Variants in TAFA1 observed in about 807,000 individuals in gnomAD.
The protein encoded by TAFA1 is TAFA chemokine like family member 1, also known as chemokine-like protein TAFA-1.
TAFA1 carries 4 observed loss-of-function variants against 18.5 expected under a neutral mutation model. The ratio of observed to expected loss-of-function variants is 0.22; its 90% confidence interval spans 0.11 to 0.49. The LOEUF is 0.49. TAFA1 is among the 20% of genes least tolerant of loss of function. The pLI, the probability that TAFA1 is intolerant of heterozygous loss-of-function variation, is 0.98. For synonymous variants in TAFA1, 56 were observed against 55.2 expected (o/e 1.01, Z -0.06); for missense variants, 147 against 169.0 (o/e 0.87, Z 0.72).
chr3:68,437,600 T>C (rs2071286736), intron 3 of TAFA1, among the ~76,000 whole-genome samples: 6 of 151,998 alleles, frequency 3.9e-5, no homozygotes, highest in Admixed American at 3.3e-4. Flanking sequence ...TCTCTTCTTA[T>C]AAAGCCACCA....
At chr3:68,365,373 T>A in intron 2 of TAFA1, among the ~76,000 whole-genome samples, 1 of 152,198 alleles carries the variant, frequency 6.6e-6, no homozygotes, top group East Asian at 1.9e-4. Context: ...AGTTGAAACC[T>A]GAAAGTTACA....
chr3:68,487,349 C>G (rs1575914247), intron 3 of TAFA1, among the ~76,000 whole-genome samples: 2 of 152,254 alleles, frequency 1.3e-5, no homozygotes, highest in East Asian at 1.9e-4. Flanking sequence ...CCAAGTTCAT[C>G]ATTTCTTAAT....
chr3:68,225,731 T>C (rs769063554), intron 2 of TAFA1, among the ~76,000 whole-genome samples: 10 of 152,180 alleles, frequency 6.6e-5, no homozygotes. Flanking sequence ...TTCTCTAAGC[T>C]TGAATTTCCA....
chr3:68,439,099 G>A lies in TAFA1; in HGVS notation c.259+21679G>A, dbSNP rs1247650358. Among the ~76,000 whole-genome samples, 13 of 152,068 alleles carry A rather than the reference G, an allele frequency of 8.5e-5. No homozygotes were observed. In the South Asian group the frequency reaches 2.7e-3, roughly 32 times the overall value. On this transcript the variant is annotated intron_variant, in intron 3 of 4. Transcript: ENST00000478136. Reference sequence around the variant, plus strand: ...CTTCTATCCATGCTAATCTCTTTAGGAAACAGTCACTGGGCTACACCATTG... The same window carrying A: ...CTTCTATCCATGCTAATCTCTTTAGAAAACAGTCACTGGGCTACACCATTG...
At chr3:68,342,563 C>A (rs1397357843) in intron 2 of TAFA1, among the ~76,000 whole-genome samples, 1 of 152,194 alleles carries the variant, frequency 6.6e-6, no homozygotes, top group African/African-American at 2.4e-5. Flanking sequence ...TTATTCTCAG[C>A]ATGCTTGAGA....
intron 3 of TAFA1, among the ~76,000 whole-genome samples, chr3:68,439,863 C>G (rs2071340464): frequency 6.6e-6 from 1 of 152,036 alleles, no homozygotes; most frequent in African/African-American, 2.4e-5. Flanking sequence ...AATGCATATA[C>G]AACTCCTGAG....
intron 3 of TAFA1, among the ~76,000 whole-genome samples, chr3:68,490,840 CTT>C (rs3037411): frequency 6.8e-6 from 1 of 147,416 alleles, no homozygotes; most frequent in African/African-American, 2.5e-5. Flanking sequence ...TCTTTTTTTT[CTT>C]TTTTTTTTGT....
Position 68,490,072 on chromosome 3 carries a change from G to A in TAFA1, c.260-48684G>A, listed in dbSNP as rs554911361. Among the ~76,000 whole-genome samples, 12 of 152,320 alleles carry A rather than the reference G, an allele frequency of 7.9e-5. No homozygotes were observed. The South Asian group carries it at 2.3e-3, about 29-fold the overall frequency. On this transcript the variant is annotated intron_variant, in intron 3 of 4. Coordinates refer to ENST00000478136, the MANE Select transcript of TAFA1 (RefSeq NM_213609.4). ...ATTTGTTGCCAATGATAGAGCTCAA[G>A]CTTTCAAGTGAAAAATTCAAATTTT...
intron 2 of TAFA1, among the ~76,000 whole-genome samples, chr3:68,261,971 A>T (rs2067434177): frequency 1.6e-5 from 2 of 124,354 alleles, no homozygotes; most frequent in African/African-American, 2.6e-5. Context: ...AATTTGAAAT[A>T]AAAAAAAAAG....
chr3:68,163,047 T>C (rs904509116), intron 2 of TAFA1, among the ~76,000 whole-genome samples: 2 of 152,232 alleles, frequency 1.3e-5, no homozygotes, highest in Non-Finnish European at 2.9e-5. Flanking sequence ...GACTTTTAAT[T>C]TCTATAAACT....
chr3:68,375,519 T>C (rs1469623120), intron 2 of TAFA1, among the ~76,000 whole-genome samples: 1 of 152,192 alleles, frequency 6.6e-6, no homozygotes, highest in Non-Finnish European at 1.5e-5. Context: ...TCTATACATT[T>C]TGTATATAAA....
intron 4 of TAFA1, among the ~76,000 whole-genome samples, chr3:68,542,985 C>T (rs1189352275): frequency 6.6e-6 from 1 of 152,170 alleles, no homozygotes; most frequent in Non-Finnish European, 1.5e-5. Context: ...TATCAGTTTA[C>T]ATTGCCAGGG....
chr3:68,335,729 A>G (rs2068959617), intron 2 of TAFA1, among the ~76,000 whole-genome samples: 1 of 152,222 alleles, frequency 6.6e-6, no homozygotes, highest in Non-Finnish European at 1.5e-5. Context: ...TATAAAAATT[A>G]CTGGATAAAT....
At chr3:68,011,954 A>G (rs1432593713) in intron 2 of TAFA1, among the ~76,000 whole-genome samples, 4 of 152,256 alleles carry the variant, frequency 2.6e-5, no homozygotes, top group Non-Finnish European at 5.9e-5. Context: ...TACTTACGTA[A>G]GCTCAAACCT....
chr3:68,267,547 C>T (rs563938995), intron 2 of TAFA1, among the ~76,000 whole-genome samples: 2 of 152,208 alleles, frequency 1.3e-5, no homozygotes, highest in South Asian at 4.1e-4. Context: ...TGATTGGTGC[C>T]CTGATTCAAG....
chr3:67,992,836 C>A, the TAFA1 span, among the ~76,000 whole-genome samples: 1 of 152,080 alleles, frequency 6.6e-6, no homozygotes, highest in African/African-American at 2.4e-5. Flanking sequence ...AACCTTTTTC[C>A]TCAAAGATAA....
At chr3:68,041,069 G>A (rs969883200) in intron 2 of TAFA1, among the ~76,000 whole-genome samples, 15 of 152,068 alleles carry the variant, frequency 9.9e-5, no homozygotes, top group Non-Finnish European at 1.9e-4. Flanking sequence ...TATTGCAAAT[G>A]TACACATTAA....
intron 3 of TAFA1, among the ~76,000 whole-genome samples, chr3:68,523,092 A>G (rs945521395): frequency 6.6e-6 from 1 of 152,186 alleles, no homozygotes; most frequent in Non-Finnish European, 1.5e-5. Context: ...ATAAATAAAT[A>G]AATAAAGCAC....
rs150706034 is a variant in TAFA1, at chr3:68,101,199, T to C, written c.118+94455T>C. The stretch of plus-strand genomic sequence containing the variant: ...CTGATACAGACCCCTATTTTAGATA[T>C]GGGAAATAGGAGAGGTCAGGCCCTC... On this transcript the variant is annotated intron_variant, in intron 2 of 4. Transcript: ENST00000478136. Among the ~76,000 whole-genome samples the C allele has an allele frequency of 5.4e-3, 829 of 152,158 alleles. 6 individuals are homozygous for C. Among genetic ancestry groups the C allele is most frequent in the African/African-American group, 0.019 (771 of 41,522 alleles).
Sources: allele counts gnomAD v4.1 joint callset (sites outside exome capture counted in the v4.1 genomes callset), GRCh38; gene constraint gnomAD v4.1.1; transcripts MANE v1.5; gene names NCBI Gene and HGNC (gene_info 2026-07-23, HGNC 2026-07-21).